The following ANP32B variants were observed in gnomAD, a reference collection of about 807,000 sequenced individuals.
The protein encoded by ANP32B is acidic nuclear phosphoprotein 32 family member B.
Under a neutral mutation model 32.2 loss-of-function variants are expected in ANP32B, and 6 were observed. The ratio of observed to expected loss-of-function variants is 0.19; its 90% confidence interval spans 0.10 to 0.37. ANP32B has a LOEUF of 0.37. Among genes scored for constraint, ANP32B ranks in the 10% least tolerant of loss-of-function variants. ANP32B has a pLI of 1.00. For synonymous variants in ANP32B, 98 were observed against 105.8 expected (o/e 0.93, Z 0.45); for missense variants, 204 against 289.2 (o/e 0.71, Z 2.14).
chr9:98,004,577 C>A (rs182018591), intron 3 of ANP32B, among the ~76,000 whole-genome samples: 1 of 152,240 alleles, frequency 6.6e-6, no homozygotes. Context: ...CATTAAAGAC[C>A]GCTTGATACC....
chr9:97,985,385 C>A (rs567373186), intron 1 of ANP32B, among the ~76,000 whole-genome samples: 1 of 152,106 alleles, frequency 6.6e-6, no homozygotes, highest in Admixed American at 6.5e-5. Flanking sequence ...GAGGGTGGGC[C>A]GCTCCGGGGG....
chr9:98,013,665 G>A (rs1019080943), intron 6 of ANP32B, among the ~76,000 whole-genome samples: 4 of 152,148 alleles, frequency 2.6e-5, no homozygotes, highest in African/African-American at 9.7e-5. Flanking sequence ...TTAGGAGGCC[G>A]AGGCAGGTGG....
intron 1 of ANP32B, 97 bp downstream of exon 1, chr9:97,983,706 G>T (rs1223481026): frequency 8.9e-6 from 9 of 1,006,722 alleles, no homozygotes; most frequent in African/African-American, 6.7e-5. Context: ...CGGCCCCGGC[G>T]CGGGGAAGAG....
chr9:97,984,844 G>T (rs1175079213), intron 1 of ANP32B, among the ~76,000 whole-genome samples: 1 of 150,228 alleles, frequency 6.7e-6, no homozygotes. Context: ...GCCCCGCGCC[G>T]GGCGCGCGGG....
intron 1 of ANP32B, among the ~76,000 whole-genome samples, chr9:97,993,373 T>A (rs879512007): frequency 4.6e-5 from 7 of 152,246 alleles, no homozygotes; most frequent in Admixed American, 3.9e-4. Flanking sequence ...ACACTGTTAA[T>A]AGCTCCTCTT....
intron 1 of ANP32B, chr9:97,984,559 C>G (rs1420196445): frequency 7.2e-6 from 1 of 138,730 alleles, no homozygotes; most frequent in Non-Finnish European, 1.6e-5. Flanking sequence ...AGCCGGGGCG[C>G]GCCACAGGCC....
chr9:97,984,908 C>A (rs1329089185), intron 1 of ANP32B, among the ~76,000 whole-genome samples: 1 of 150,956 alleles, frequency 6.6e-6, no homozygotes, highest in Non-Finnish European at 1.5e-5. Flanking sequence ...TGGCCTCCCA[C>A]GTGCTTGAGA....
At chr9:98,010,036 G>A (rs918548893) in intron 4 of ANP32B, among the ~76,000 whole-genome samples, 1 of 152,000 alleles carries the variant, frequency 6.6e-6, no homozygotes, top group African/African-American at 2.4e-5. Flanking sequence ...ATTTGTGCTT[G>A]TTGTCTATTT....
intron 1 of ANP32B, 79 bp downstream of exon 1, chr9:97,983,688 G>C: frequency 8.3e-7 from 1 of 1,201,306 alleles, no homozygotes; most frequent in Non-Finnish European, 1.1e-6. Flanking sequence ...CCCGGGCTGA[G>C]GGTTCGCCGG....
chr9:97,992,332 G>A (rs887570338), intron 1 of ANP32B, among the ~76,000 whole-genome samples: 19 of 152,034 alleles, frequency 1.2e-4, no homozygotes, highest in African/African-American at 4.6e-4. Context: ...TAGATGATCC[G>A]CCCGCCTTGA....
intron 1 of ANP32B, among the ~76,000 whole-genome samples, chr9:97,993,401 G>C (rs1444418707): frequency 6.6e-6 from 1 of 152,166 alleles, no homozygotes; most frequent in Non-Finnish European, 1.5e-5. Flanking sequence ...CAGACTGTCA[G>C]CATCTCCCTA....
intron 6 of ANP32B, among the ~76,000 whole-genome samples, chr9:98,014,411 A>T (rs1828240139): frequency 6.6e-6 from 1 of 152,202 alleles, no homozygotes; most frequent in Non-Finnish European, 1.5e-5. Context: ...CTGTCTCAAA[A>T]AAAAAAACAA....
At chr9:97,990,126 A>G (rs750907290) in intron 1 of ANP32B, among the ~76,000 whole-genome samples, 1 of 152,180 alleles carries the variant, frequency 6.6e-6, no homozygotes, top group Non-Finnish European at 1.5e-5. Context: ...TCCCTAAAGA[A>G]ATCTGTTCTT....
Position 97,998,658 on chromosome 9 carries a change from A to G in ANP32B, c.307A>G (p.Ile103Val). 6.2e-7 allele frequency: 1 copy of G among 1,606,100 alleles called. No individual in the cohort carries two copies. The highest frequency in any genetic ancestry group is 8.5e-7 in the Non-Finnish European group (1 of 1,177,348). Residue 103 changes from isoleucine (I) to valine (V), a missense_variant, in exon 3 of 7, where the codon ATC becomes GTC. By Grantham distance (29) the Ile-to-Val change is conservative. Coordinates refer to ENST00000339399, the MANE Select transcript of ANP32B (RefSeq NM_006401.3). ...LNLSGNKLKD[I>V]STLEPLKKLE... The stretch of plus-strand genomic sequence containing the variant: ...CTTAAGTGGAAATAAACTGAAAGAT[A>G]TCAGCACCTTGGAACCTTTGGTAAG...
In ANP32B at chr9:98,012,453, A is replaced by G. The variant is rs886582373; in HGVS notation, c.669A>G (p.Glu223=). 5.6e-6 allele frequency: 9 copies of G among 1,612,284 alleles called. No homozygotes were observed. Among genetic ancestry groups the G allele is most frequent in the East Asian group, 4.5e-5 (2 of 44,844 alleles). Residue 223 remains glutamate (E), a synonymous_variant, in exon 6 of 7, where the codon GAA becomes GAG. Coordinates refer to ENST00000339399, the MANE Select transcript of ANP32B (RefSeq NM_006401.3). ...AATTTGGACTTGATGAAGAAGATGA[A>G]GATGAGGATGAGGATGAAGGTGGGC... ...EEEFGLDEED[E]DEDEDEEEEE...
chr9:97,992,487 C>G (rs1827844401), intron 1 of ANP32B, among the ~76,000 whole-genome samples: 2 of 152,190 alleles, frequency 1.3e-5, no homozygotes, highest in African/African-American at 4.8e-5. Flanking sequence ...AAAGAAATGT[C>G]TTTAAGAGGT....
intron 3 of ANP32B, among the ~76,000 whole-genome samples, chr9:98,000,968 C>A (rs959701420): frequency 3.3e-5 from 5 of 151,754 alleles, no homozygotes; most frequent in African/African-American, 1.2e-4. Context: ...TTTCCATAGC[C>A]CTTGGGACCT....
At chr9:97,983,848 C>T (rs1039509156) in intron 1 of ANP32B, among the ~76,000 whole-genome samples, 4 of 151,952 alleles carry the variant, frequency 2.6e-5, no homozygotes, top group African/African-American at 7.3e-5. Context: ...GGAAAGCAAA[C>T]TTTGAGCGCT....
rs952293852 is a variant in ANP32B, at chr9:97,998,100, G to T, written c.205-456G>T. On this transcript the variant is annotated intron_variant, in intron 2 of 6. Coordinates refer to ENST00000339399, the MANE Select transcript of ANP32B (RefSeq NM_006401.3). Reference sequence around the variant, plus strand: ...AGCAACATTCCCTGGTGGCTTCCAGGTGTAGAACTCTACAGTGTATGTCAG... The same window carrying T: ...AGCAACATTCCCTGGTGGCTTCCAGTTGTAGAACTCTACAGTGTATGTCAG... Among the ~76,000 whole-genome samples the T allele has an allele frequency of 2.0e-5, 3 of 152,198 alleles. No homozygotes were observed. In the South Asian group the frequency reaches 6.2e-4, roughly 31 times the overall value.
Sources: gnomAD v4.1 joint callset for allele counts (sites outside exome capture counted in the v4.1 genomes callset) on GRCh38, gnomAD v4.1.1 for gene constraint, MANE v1.5 for transcripts, NCBI Gene and HGNC (gene_info 2026-07-23, HGNC 2026-07-21) for gene names.